The following ITPR2 variants were observed in gnomAD, a reference collection of about 807,000 sequenced individuals.
ITPR2 encodes inositol 1,4,5-trisphosphate-gated calcium channel ITPR2.
A neutral mutation model predicts 317.1 loss-of-function variants in ITPR2; 207 were observed. That is an observed-to-expected ratio of 0.65 (90% CI 0.58 to 0.73). The LOEUF (loss-of-function observed/expected upper bound fraction) is 0.73. Ranked by LOEUF, ITPR2 falls within the 30% of genes least tolerant of loss-of-function variation. The probability of loss-of-function intolerance (pLI) is 0.00; values close to 1 mark genes in which losing one functional copy is unlikely to be tolerated. For missense variants in ITPR2, 2,613 were observed against 3,284.0 expected (o/e 0.80, Z 4.99); for synonymous variants, 1,156 against 1,149.1 (o/e 1.01, Z -0.12).
intron 2 of ITPR2, among the ~76,000 whole-genome samples, chr12:26,743,286 C>A (rs1949267034): frequency 6.6e-6 from 1 of 151,782 alleles, no homozygotes; most frequent in Admixed American, 6.6e-5. Context: ...CTCTGCAGGG[C>A]TGTAAATGTT....
At chr12:26,634,551 A>C (rs1235490226) in intron 21 of ITPR2, among the ~76,000 whole-genome samples, 1 of 152,190 alleles carries the variant, frequency 6.6e-6, no homozygotes, top group Admixed American at 6.5e-5. Context: ...TAATGAGATA[A>C]TTTGAAAATA....
At chr12:26,412,236 A>C (rs1454765381) in intron 51 of ITPR2, among the ~76,000 whole-genome samples, 2 of 152,198 alleles carry the variant, frequency 1.3e-5, no homozygotes, top group Non-Finnish European at 2.9e-5. Context: ...CCTGACTGTG[A>C]CTAATCAGCT....
At chr12:26,777,220 G>A (rs1242431996) in intron 2 of ITPR2, among the ~76,000 whole-genome samples, 1 of 152,202 alleles carries the variant, frequency 6.6e-6, no homozygotes, top group Non-Finnish European at 1.5e-5. Flanking sequence ...TTAATGTGGA[G>A]GAAGGAATTC....
At chr12:26,642,550 G>A (rs187800478) in intron 21 of ITPR2, among the ~76,000 whole-genome samples, 15 of 152,140 alleles carry the variant, frequency 9.9e-5, no homozygotes, top group African/African-American at 3.1e-4. Flanking sequence ...CCCAGCCTCC[G>A]GAGCTGTGAG....
intron 37 of ITPR2, among the ~76,000 whole-genome samples, chr12:26,511,456 T>C (rs1943344033): frequency 6.6e-6 from 1 of 152,252 alleles, no homozygotes; most frequent in African/African-American, 2.4e-5. Flanking sequence ...ATTTTCTCAC[T>C]AAACGCCAAG....
At chr12:26,532,712 G>C (rs1321884690) in intron 37 of ITPR2, among the ~76,000 whole-genome samples, 2 of 152,048 alleles carry the variant, frequency 1.3e-5, no homozygotes, top group Non-Finnish European at 2.9e-5. Context: ...TTTGGAGACG[G>C]AGTTTTCGAT....
chr12:26,757,361 G>A (rs565440924), intron 2 of ITPR2, among the ~76,000 whole-genome samples: 1 of 151,942 alleles, frequency 6.6e-6, no homozygotes, highest in African/African-American at 2.4e-5. Context: ...GATTATAGGT[G>A]CCCACCACCA....
At chr12:26,562,298 C>T (rs747511566) in intron 34 of ITPR2, among the ~76,000 whole-genome samples, 11 of 152,152 alleles carry the variant, frequency 7.2e-5, no homozygotes, top group South Asian at 4.1e-4. Context: ...ATAAAACACA[C>T]GATATAATTC....
Position 26,491,030 on chromosome 12 carries a change from C to T in ITPR2, c.5370+3123G>A, listed in dbSNP as rs540361114. Among the ~76,000 whole-genome samples, 4 of 152,218 alleles carry T rather than the reference C, an allele frequency of 2.6e-5. No homozygotes were observed. The South Asian group carries it at 8.3e-4, about 32-fold the overall frequency. On this transcript the variant is annotated intron_variant, in intron 39 of 56. Coordinates refer to ENST00000381340, the MANE Select transcript of ITPR2 (RefSeq NM_002223.4). ...AGGAATGGCAAAGAGCTAAGTGTAG[C>T]TGATGCATAAGAGGAAGGATGGAGG...
At chr12:26,682,496 G>A (rs1038112650) in intron 12 of ITPR2, 78 bp downstream of exon 12, 1 of 550,230 alleles carries the variant, frequency 1.8e-6, no homozygotes, top group Non-Finnish European at 2.7e-6. Flanking sequence ...TAAGGAACAT[G>A]TGTCACACAG....
chr12:26,623,598 G>A (rs565315433), intron 24 of ITPR2, among the ~76,000 whole-genome samples: 1 of 152,226 alleles, frequency 6.6e-6, no homozygotes, highest in Admixed American at 6.5e-5. Flanking sequence ...GTGGTTTCAG[G>A]CATCCACTGG....
intron 51 of ITPR2, among the ~76,000 whole-genome samples, chr12:26,414,419 T>C (rs1009432109): frequency 6.6e-6 from 1 of 152,184 alleles, no homozygotes; most frequent in Non-Finnish European, 1.5e-5. Flanking sequence ...ATCCTAGTTT[T>C]ACATTTAACG....
intron 52 of ITPR2, 27 bp from the exon 53 acceptor site, chr12:26,400,285 T>C: frequency 7.4e-7 from 1 of 1,349,904 alleles, no homozygotes; most frequent in Non-Finnish European, 9.9e-7. Context: ...AAATATATGA[T>C]ATAAAATTAT....
Position 26,595,563 on chromosome 12 carries a change from T to G in ITPR2, c.4282A>C (p.Asn1428His), listed in dbSNP as rs1445957784. ...ACTTCAGTGTCAACATAACAGTGAT[T>G]AACAAAGTTCACATAAGCAATTTTA... ...EVKIAYVNFVNHCYVDTEVEM... is the reference protein window; with the variant it reads ...EVKIAYVNFVHHCYVDTEVEM... The change falls in exon 32 of 57, where the codon AAT (asparagine) becomes CAT (histidine). Residue 1428 changes from asparagine to histidine, a missense_variant. Physicochemically the swap from Asn to His is moderately conservative, Grantham distance 68. This residue lies in a region of ITPR2 where 926 missense variants were observed against 1,072.8 expected (regional missense o/e 0.86). Coordinates refer to ENST00000381340, the MANE Select transcript of ITPR2 (RefSeq NM_002223.4). 6.3e-7 allele frequency: 1 copy of G among 1,591,544 alleles called. No homozygotes were observed. The highest frequency in any genetic ancestry group is 8.5e-7 in the Non-Finnish European group (1 of 1,173,336).
At chr12:26,764,512 C>T (rs1333172274) in intron 2 of ITPR2, among the ~76,000 whole-genome samples, 1 of 151,920 alleles carries the variant, frequency 6.6e-6, no homozygotes, top group Non-Finnish European at 1.5e-5. Flanking sequence ...AACTTTAACG[C>T]TCAACAACAA....
chr12:26,724,728 C>T lies in ITPR2; in HGVS notation c.294G>A (p.Leu98=), dbSNP rs897255520. The T allele has an allele frequency of 6.2e-6, 10 of 1,605,260 alleles. No homozygotes were observed. In the African/African-American group the frequency reaches 1.2e-4, roughly 19 times the overall value. ...TCTCCGATTCATTTTGTTTTTGTTC[C>T]AGTTCTGCAGCGTGCTATAAGATGA... ...LLKKLQHAAE[L]EQKQNESENK... Residue 98 remains leucine, a synonymous_variant, in exon 4 of 57, where the codon CTG becomes CTA. Coordinates refer to ENST00000381340, the MANE Select transcript of ITPR2 (RefSeq NM_002223.4).
chr12:26,709,881 T>G (rs1028102834), intron 9 of ITPR2, among the ~76,000 whole-genome samples: 2 of 152,232 alleles, frequency 1.3e-5, no homozygotes, highest in Admixed American at 6.5e-5. Flanking sequence ...AAGCTGTATT[T>G]CATCTAGTTG....
rs531047000 is a variant in ITPR2 at position 26,607,253 on chromosome 12, C to G, written c.3463-4547G>C. 2.0e-4 allele frequency among the ~76,000 whole-genome samples: 31 copies of G among 152,254 alleles called. No individual in the cohort carries two copies. In the South Asian group the frequency reaches 5.8e-3, roughly 28 times the overall value. On this transcript the variant is annotated intron_variant, in intron 26 of 56. Transcript: ENST00000381340. The stretch of plus-strand genomic sequence containing the variant: ...GACACCATAAACCAGCCACCCACCC[C>G]CTAACTTCAGGTGCCAAATGCTTTC...
At chr12:26,495,476 GC>G in intron 37 of ITPR2, 1 of 466,386 alleles carries the variant, frequency 2.1e-6, no homozygotes, top group Non-Finnish European at 3.8e-6. Context: ...GGTGGGAGAA[GC>G]TTTTTGGAGG....
Sources: gnomAD v4.1 joint callset for allele counts (sites outside exome capture counted in the v4.1 genomes callset) on GRCh38, gnomAD v4.1.1 for gene constraint, gnomAD v4.1.1 regional missense constraint, MANE v1.5 for transcripts, NCBI Gene and HGNC (gene_info 2026-07-23, HGNC 2026-07-21) for gene names.